The following DIAPH2 variants were observed in gnomAD, a reference collection of about 807,000 sequenced individuals.
DIAPH2 encodes protein diaphanous homolog 2.
Under a neutral mutation model 92.7 loss-of-function variants are expected in DIAPH2, and 35 were observed. That is an observed-to-expected ratio of 0.38 (90% CI 0.29 to 0.50). DIAPH2 has a LOEUF of 0.50. Among genes scored for constraint, DIAPH2 ranks in the 20% least tolerant of loss-of-function variants. The probability of loss-of-function intolerance (pLI) is 0.94; values close to 1 mark genes in which losing one functional copy is unlikely to be tolerated. For missense variants in DIAPH2, 701 were observed against 819.5 expected (o/e 0.86, Z 1.77); for synonymous variants, 301 against 280.4 (o/e 1.07, Z -0.73).
At chrX:97,105,309 A>G (rs2066932167) in intron 20 of DIAPH2, among the ~76,000 whole-genome samples, 2 of 111,092 alleles carry the variant, frequency 1.8e-5, no homozygotes, top group South Asian at 7.7e-4. Flanking sequence ...GTTGGAAAAA[A>G]GAGAAAAAAA....
Position 97,131,425 on chromosome X carries a change from C to T in DIAPH2, c.2590-10240C>T, listed in dbSNP as rs1385360433. ...TAGCTAAAATCACTAATGTTAAGTG[C>T]CATTTAATGCCATTTATTAAAGGTT... On this transcript the variant is annotated intron_variant, in intron 21 of 26. Coordinates refer to ENST00000324765, the MANE Select transcript of DIAPH2 (RefSeq NM_006729.5). Among the ~76,000 whole-genome samples the T allele has an allele frequency of 3.6e-5, 4 of 111,079 alleles. No individual in the cohort carries two copies. In the East Asian group the frequency reaches 1.1e-3, roughly 32 times the overall value.
chrX:96,697,965 A>G (rs762640270), intron 1 of DIAPH2, among the ~76,000 whole-genome samples: 7 of 111,772 alleles, frequency 6.3e-5, no homozygotes, highest in Non-Finnish European at 1.1e-4. Context: ...CAAAAGTGAT[A>G]TGGCTGTGGA....
chrX:97,245,086 T>TC (rs1193161270), intron 22 of DIAPH2, among the ~76,000 whole-genome samples: 6 of 103,897 alleles, frequency 5.8e-5, no homozygotes, highest in African/African-American at 2.1e-4. Context: ...TGAGACTCCG[T>TC]CTAAAAAAAA....
intron 5 of DIAPH2, among the ~76,000 whole-genome samples, chrX:96,897,338 C>T (rs760584885): frequency 3.6e-5 from 4 of 110,514 alleles, no homozygotes; most frequent in African/African-American, 6.6e-5. Context: ...CTCCCAACAT[C>T]CGCCCACTTA....
intron 1 of DIAPH2, among the ~76,000 whole-genome samples, chrX:96,699,688 C>G (rs936597354): frequency 5.4e-5 from 6 of 111,838 alleles, no homozygotes; most frequent in African/African-American, 2.0e-4. Context: ...TCTTTACTTT[C>G]CATTCTCTCC....
chrX:97,150,544 A>C (rs1393492077), intron 22 of DIAPH2, among the ~76,000 whole-genome samples: 1 of 111,364 alleles, frequency 9.0e-6, no homozygotes, highest in Non-Finnish European at 1.9e-5. Flanking sequence ...TGCCTTTTCC[A>C]ATCTGAAAAG....
At chrX:96,813,121 T>C (rs967011358) in intron 4 of DIAPH2, among the ~76,000 whole-genome samples, 3 of 110,696 alleles carry the variant, frequency 2.7e-5, no homozygotes, top group Non-Finnish European at 3.8e-5. Flanking sequence ...GACAGGGGGG[T>C]GTTAAAATAT....
chrX:96,854,315 A>T (rs1237161564), intron 4 of DIAPH2, among the ~76,000 whole-genome samples: 1 of 109,503 alleles, frequency 9.1e-6, no homozygotes, highest in African/African-American at 3.3e-5. Flanking sequence ...CAAGATGAAA[A>T]CCACCTAAAC....
intron 4 of DIAPH2, among the ~76,000 whole-genome samples, chrX:96,815,760 G>A (rs1369596551): frequency 1.8e-5 from 2 of 111,201 alleles, no homozygotes; most frequent in Non-Finnish European, 3.8e-5. Context: ...CTCCTCCCAC[G>A]TTCAAGCAAT....
chrX:97,319,750 GCACT>G (rs2068875136), intron 23 of DIAPH2, among the ~76,000 whole-genome samples: 1 of 110,425 alleles, frequency 9.1e-6, no homozygotes, highest in Non-Finnish European at 1.9e-5. Context: ...TACTGAGTAG[GCACT>G]CAGTCAGTAT....
chrX:97,018,660 G>A (rs1359458524), intron 17 of DIAPH2, among the ~76,000 whole-genome samples: 3 of 111,818 alleles, frequency 2.7e-5, no homozygotes, highest in Non-Finnish European at 5.6e-5. Flanking sequence ...CTGGAAAATT[G>A]CATGGAAAGT....
At chrX:97,088,946 C>T (rs903461433) in intron 19 of DIAPH2, among the ~76,000 whole-genome samples, 1 of 110,731 alleles carries the variant, frequency 9.0e-6, no homozygotes, top group Non-Finnish European at 1.9e-5. Context: ...TACTGATGGT[C>T]TTCATTAGCC....
At chrX:97,289,167 A>G (rs896903817) in intron 23 of DIAPH2, among the ~76,000 whole-genome samples, 8 of 111,975 alleles carry the variant, frequency 7.1e-5, no homozygotes, top group African/African-American at 2.6e-4. Flanking sequence ...ATGTTAAAAC[A>G]TAACATGTCC....
In DIAPH2 at chrX:97,345,750, G is replaced by A. The variant is rs73258350; in HGVS notation, c.2845-2366G>A. 3.0e-3 allele frequency among the ~76,000 whole-genome samples: 333 copies of A among 111,084 alleles called. 1 individual carries two copies. Among genetic ancestry groups the A allele is most frequent in the Non-Finnish European group, 5.3e-3 (283 of 52,935 alleles). On this transcript the variant is annotated intron_variant, in intron 23 of 26. Coordinates refer to ENST00000324765, the MANE Select transcript of DIAPH2 (RefSeq NM_006729.5). ...AACTCTAATTTAAACTGTTGATTTT[G>A]TTTCCTTTTTTCTTTATGGTTAGTC...
chrX:97,411,120 G>T (rs1017470429), intron 25 of DIAPH2, among the ~76,000 whole-genome samples: 2 of 111,346 alleles, frequency 1.8e-5, no homozygotes, highest in African/African-American at 3.3e-5. Flanking sequence ...CACCAAGGTT[G>T]AAATGAAGGA....
intron 5 of DIAPH2, among the ~76,000 whole-genome samples, chrX:96,886,907 A>T (rs1054402831): frequency 3.7e-5 from 3 of 81,742 alleles, no homozygotes; most frequent in African/African-American, 1.9e-4. Context: ...GGGGGAAAAA[A>T]ACTCTTTTTT....
At chrX:97,540,637 C>G (rs1039174721) in intron 26 of DIAPH2, among the ~76,000 whole-genome samples, 1 of 111,565 alleles carries the variant, frequency 9.0e-6, no homozygotes, top group Non-Finnish European at 1.9e-5. Flanking sequence ...AAAAAATCAC[C>G]AACTTATTAA....
chrX:97,139,166 GTTGCCTTCTGTGCT>G (rs1430798614), intron 21 of DIAPH2, among the ~76,000 whole-genome samples: 1 of 109,950 alleles, frequency 9.1e-6, no homozygotes, highest in East Asian at 2.8e-4. Flanking sequence ...GATGTTCTTA[GTTGCCTTCTGTGCT>G]GACATTGAAC....
chrX:96,915,752 C>A (rs2065499008), intron 7 of DIAPH2, among the ~76,000 whole-genome samples: 1 of 111,973 alleles, frequency 8.9e-6, no homozygotes, highest in South Asian at 3.6e-4. Context: ...ATTAGAATTT[C>A]TTTACTTATT....
Sources: gnomAD v4.1 joint callset for allele counts (sites outside exome capture counted in the v4.1 genomes callset) on GRCh38, gnomAD v4.1.1 for gene constraint, MANE v1.5 for transcripts, NCBI Gene and HGNC (gene_info 2026-07-23, HGNC 2026-07-21) for gene names.